Variants in RIT2 observed in about 807,000 individuals in gnomAD.
The protein encoded by RIT2 is GTP-binding protein Rit2.
Under a neutral mutation model 23.7 loss-of-function variants are expected in RIT2, and 24 were observed. The ratio of observed to expected loss-of-function variants is 1.01; its 90% CI spans 0.73 to 1.43. RIT2 has a LOEUF of 1.43. Ranked by LOEUF, RIT2 falls within the 40% of genes most tolerant of loss-of-function variation. The pLI, the probability that RIT2 is intolerant of heterozygous loss-of-function variation, is 0.00. For missense variants in RIT2, 236 were observed against 266.9 expected (o/e 0.88, Z 0.81); for synonymous variants, 107 against 91.1 (o/e 1.17, Z -0.99).
intron 4 of RIT2, among the ~76,000 whole-genome samples, chr18:42,765,363 C>T (rs1401236335): frequency 2.0e-5 from 3 of 152,176 alleles, no homozygotes; most frequent in Non-Finnish European, 4.4e-5. Flanking sequence ...TGTTGACATA[C>T]AGCCTGTCCT....
At chr18:42,756,142 T>C (rs1913158422) in intron 4 of RIT2, among the ~76,000 whole-genome samples, 1 of 152,100 alleles carries the variant, frequency 6.6e-6, no homozygotes, top group Admixed American at 6.6e-5. Context: ...ATTAGTGAGT[T>C]TAGATGTCTA....
intron 3 of RIT2, among the ~76,000 whole-genome samples, chr18:42,939,254 A>G (rs1909536135): frequency 1.3e-5 from 2 of 152,126 alleles, no homozygotes; most frequent in Non-Finnish European, 2.9e-5. Context: ...TGACTCTGCC[A>G]CTTCATAGGT....
chr18:42,937,312 T>A (rs1909484736), intron 3 of RIT2, among the ~76,000 whole-genome samples: 1 of 152,204 alleles, frequency 6.6e-6, no homozygotes, highest in Non-Finnish European at 1.5e-5. Context: ...CTAATTGCAA[T>A]TTTTATTCTT....
At chr18:43,097,182 G>C (rs913476774) in intron 1 of RIT2, among the ~76,000 whole-genome samples, 1 of 151,828 alleles carries the variant, frequency 6.6e-6, no homozygotes, top group Admixed American at 6.6e-5. Context: ...TAGAGTTTGT[G>C]ATTTTGTAGA....
At chr18:43,026,142 A>G (rs527681186) in intron 2 of RIT2, among the ~76,000 whole-genome samples, 95 of 152,178 alleles carry the variant, frequency 6.2e-4, no homozygotes, top group South Asian at 1.7e-3. Context: ...AATGTTGTAC[A>G]TATTTGGAAG....
At position 42,772,261 on chromosome 18, in the gene RIT2, G is replaced by C. The variant is rs146264161; in HGVS notation, c.427-28541C>G. On this transcript the variant is annotated intron_variant, in intron 4 of 4. Transcript: ENST00000326695. ...TTCTCCTTGAAAGCCATTGTCTTTG[G>C]ATGCATACAATATCTGACACTGGCA... Among the ~76,000 whole-genome samples the C allele has an allele frequency of 2.0e-3, 308 of 152,140 alleles. 2 individuals carry two copies. The highest frequency in any genetic ancestry group is 7.2e-3 in the African/African-American group (299 of 41,522).
In RIT2 at chr18:42,757,200, ATTAC is replaced by A. The variant is rs531402128; in HGVS notation, c.427-13484_427-13481del. ...AATTAGAAGCTGAAATCTCATTTGA[ATTAC>A]TTAAGGTTTTAACTTATTTTCATTA... On this transcript the variant is annotated intron_variant, in intron 4 of 4. Coordinates refer to ENST00000326695, the MANE Select transcript of RIT2 (RefSeq NM_002930.4). 2.2e-4 allele frequency among the ~76,000 whole-genome samples: 34 copies of A among 152,346 alleles called. No individual in the cohort carries two copies. The South Asian group carries it at 6.6e-3, about 30-fold the overall frequency.
chr18:42,752,853 A>G (rs1913078026), intron 4 of RIT2, among the ~76,000 whole-genome samples: 1 of 152,148 alleles, frequency 6.6e-6, no homozygotes, highest in Admixed American at 6.5e-5. Context: ...AACTGCAAAG[A>G]AGGAACGTTT....
At chr18:42,896,785 T>A (rs993308463) in intron 4 of RIT2, among the ~76,000 whole-genome samples, 1 of 152,214 alleles carries the variant, frequency 6.6e-6, no homozygotes, top group Non-Finnish European at 1.5e-5. Flanking sequence ...AACTCCAGTA[T>A]GTTTAATTAT....
intron 4 of RIT2, among the ~76,000 whole-genome samples, chr18:42,780,722 G>A (rs1308156681): frequency 2.0e-5 from 3 of 151,862 alleles, no homozygotes; most frequent in African/African-American, 4.8e-5. Flanking sequence ...CTGCGTTAAT[G>A]TTGATGTTGG....
At chr18:43,055,400 G>A (rs568153664) in intron 1 of RIT2, among the ~76,000 whole-genome samples, 24 of 152,100 alleles carry the variant, frequency 1.6e-4, no homozygotes, top group African/African-American at 4.6e-4. Context: ...TTGTGGGTGC[G>A]TGACAACTCT....
intron 3 of RIT2, among the ~76,000 whole-genome samples, chr18:42,963,447 G>T (rs16977159): frequency 1.3e-5 from 2 of 152,216 alleles, no homozygotes; most frequent in African/African-American, 4.8e-5. Flanking sequence ...CTCATTCAAG[G>T]CTTGAGGAAT....
intron 2 of RIT2, among the ~76,000 whole-genome samples, chr18:43,024,514 A>G (rs1321276217): frequency 6.6e-6 from 1 of 152,120 alleles, no homozygotes; most frequent in Non-Finnish European, 1.5e-5. Context: ...CAAGTAATTC[A>G]TGACTGAGAC....
At position 42,780,186 on chromosome 18, in the gene RIT2, T is replaced by C. The variant is rs1238415917; in HGVS notation, c.427-36466A>G. On this transcript the variant is annotated intron_variant, in intron 4 of 4. Coordinates refer to ENST00000326695, the MANE Select transcript of RIT2 (RefSeq NM_002930.4). ...ATATATTTTAGGGAGGCAGAAGTTA[T>C]AGTCAAAGACATAAATCAATACATT... Among the ~76,000 whole-genome samples, 8 of 151,064 alleles carry C rather than the reference T, an allele frequency of 5.3e-5. No individual in the cohort carries two copies. In the Admixed American group the frequency reaches 5.3e-4, roughly 10 times the overall value.
chr18:43,066,992 C>A (rs960611825), intron 1 of RIT2, among the ~76,000 whole-genome samples: 4 of 150,796 alleles, frequency 2.7e-5, no homozygotes, highest in African/African-American at 4.9e-5. Context: ...GTTCTAGGAT[C>A]CTGGGAAGGA....
At chr18:42,836,667 A>C (rs1906611797) in intron 4 of RIT2, among the ~76,000 whole-genome samples, 1 of 152,190 alleles carries the variant, frequency 6.6e-6, no homozygotes, top group Non-Finnish European at 1.5e-5. Context: ...AGTAATAGTG[A>C]AGAAAAATGC....
At chr18:42,991,977 T>C (rs899556776) in intron 2 of RIT2, among the ~76,000 whole-genome samples, 2 of 151,710 alleles carry the variant, frequency 1.3e-5, no homozygotes, top group African/African-American at 4.8e-5. Context: ...AGAACCCCCA[T>C]CCCTTATTTC....
At chr18:42,922,788 G>A (rs572055638) in intron 4 of RIT2, among the ~76,000 whole-genome samples, 2 of 152,160 alleles carry the variant, frequency 1.3e-5, no homozygotes, top group Admixed American at 6.5e-5. Context: ...TTGTTTGTTC[G>A]GAGAAGTTTT....
At chr18:42,827,337 AT>A (rs1906324880) in intron 4 of RIT2, among the ~76,000 whole-genome samples, 1 of 152,220 alleles carries the variant, frequency 6.6e-6, no homozygotes, top group South Asian at 2.1e-4. Context: ...CACATAAAAA[AT>A]AAAACTGTAA....
Sources: gnomAD v4.1 joint callset for allele counts (sites outside exome capture counted in the v4.1 genomes callset) on GRCh38, gnomAD v4.1.1 for gene constraint, MANE v1.5 for transcripts, NCBI Gene and HGNC (gene_info 2026-07-23, HGNC 2026-07-21) for gene names.